Variants in CTNNA2 observed in about 807,000 individuals in gnomAD.
The protein encoded by CTNNA2 is catenin alpha 2.
CTNNA2 carries 42 observed loss-of-function variants against 101.0 expected under a neutral mutation model. That is an observed-to-expected ratio of 0.42 (90% CI 0.32 to 0.54). The LOEUF (loss-of-function observed/expected upper bound fraction) is 0.54, where lower values mean the gene tolerates loss of function less well. Among genes scored for constraint, CTNNA2 ranks in the 20% least tolerant of loss-of-function variants. CTNNA2 has a pLI of 0.14. For synonymous variants in CTNNA2, 450 were observed against 456.4 expected, an observed-to-expected ratio of 0.99 and a Z score of 0.18; for missense variants, 871 against 1,223.1, an observed-to-expected ratio of 0.71 and a Z score of 4.29.
At chr2:79,507,593 C>T (rs1211802060) in intron 5 of CTNNA2, among the ~76,000 whole-genome samples, 2 of 152,062 alleles carry the variant, frequency 1.3e-5, no homozygotes, top group African/African-American at 2.4e-5. Context: ...TTATAAATAA[C>T]CTAGTCTCAG....
chr2:79,202,732 C>CTTTGTTTGTTTGTTTG lies in CTNNA2; in HGVS notation c.-406+4664_-406+4679dup, dbSNP rs34378966. Among the ~76,000 whole-genome samples, 453 of 151,222 alleles carry CTTTGTTTGTTTGTTTG rather than the reference C, an allele frequency of 3.0e-3. 2 individuals carry two copies. The highest frequency in any genetic ancestry group is 8.8e-3 in the East Asian group (45 of 5,094). ...TGGAAGGGCTTATGGTTCTACGTTT[C>CTTTGTTTGTTTGTTTG]TTTGTTTGTTTGTTTGTTTGTTTTG... On this transcript the variant is annotated intron_variant, in intron 2 of 21. Transcript: ENST00000466387.
intron 7 of CTNNA2, among the ~76,000 whole-genome samples, chr2:80,218,461 G>A (rs548691629): frequency 6.6e-6 from 1 of 152,340 alleles, no homozygotes; most frequent in African/African-American, 2.4e-5. Context: ...GCAGACATCC[G>A]ATTATTGACC....
chr2:79,924,664 A>T (rs370722950), intron 7 of CTNNA2, among the ~76,000 whole-genome samples: 1 of 152,106 alleles, frequency 6.6e-6, no homozygotes, highest in East Asian at 1.9e-4. Flanking sequence ...CAAGGGGTTG[A>T]ATCAAGATAA....
chr2:80,050,736 T>C (rs1246304071), intron 7 of CTNNA2, among the ~76,000 whole-genome samples: 2 of 152,172 alleles, frequency 1.3e-5, no homozygotes, highest in African/African-American at 4.8e-5. Flanking sequence ...GGTCTCACCC[T>C]GTCACCCAGG....
chr2:80,300,890 C>T (rs1262832700), intron 7 of CTNNA2, among the ~76,000 whole-genome samples: 1 of 151,284 alleles, frequency 6.6e-6, no homozygotes, highest in Non-Finnish European at 1.5e-5. Context: ...ACTGAAATCT[C>T]AATGATGGAC....
At chr2:79,965,863 G>C (rs1175744797) in intron 7 of CTNNA2, among the ~76,000 whole-genome samples, 2 of 131,352 alleles carry the variant, frequency 1.5e-5, no homozygotes, top group South Asian at 4.8e-4. Flanking sequence ...AGAAAAGAAA[G>C]AAAAGAAAAG....
chr2:79,248,033 G>A (rs1290629707), intron 2 of CTNNA2, among the ~76,000 whole-genome samples: 1 of 152,174 alleles, frequency 6.6e-6, no homozygotes, highest in Admixed American at 6.5e-5. Context: ...GTAATAATTT[G>A]TTACAGCAGC....
intron 7 of CTNNA2, among the ~76,000 whole-genome samples, chr2:80,057,481 C>G (rs1395069791): frequency 6.6e-6 from 1 of 152,170 alleles, no homozygotes; most frequent in East Asian, 1.9e-4. Context: ...GAGCAGGTAT[C>G]TGAGGGTGGT....
At chr2:80,036,010 A>G (rs1379656779) in intron 7 of CTNNA2, among the ~76,000 whole-genome samples, 1 of 152,232 alleles carries the variant, frequency 6.6e-6, no homozygotes, top group Non-Finnish European at 1.5e-5. Flanking sequence ...CTTTTGATTC[A>G]GTCCCACATG....
At chr2:80,493,579 C>T (rs745881487) in intron 9 of CTNNA2, among the ~76,000 whole-genome samples, 1 of 152,122 alleles carries the variant, frequency 6.6e-6, no homozygotes, top group Non-Finnish European at 1.5e-5. Context: ...TTTTTGAGTC[C>T]TTAGTGAATC....
At chr2:80,615,420 G>T (rs1412699444) in intron 17 of CTNNA2, among the ~76,000 whole-genome samples, 1 of 151,490 alleles carries the variant, frequency 6.6e-6, no homozygotes. Flanking sequence ...TAAAAGGCAC[G>T]GTGATATATT....
At chr2:79,290,026 A>G (rs1191521334) in intron 2 of CTNNA2, among the ~76,000 whole-genome samples, 1 of 152,134 alleles carries the variant, frequency 6.6e-6, no homozygotes, top group Non-Finnish European at 1.5e-5. Context: ...GCTATGTGCA[A>G]GTGAGAAACA....
rs1040906065 is a variant in CTNNA2, at chr2:80,208,177, G to T, written c.1057-185034G>T. Among the ~76,000 whole-genome samples, 13 of 152,204 alleles carry T rather than the reference G, an allele frequency of 8.5e-5. 1 individual carries two copies. The highest frequency in any genetic ancestry group is 3.4e-3 in the Middle Eastern group (1 of 294). On this transcript the variant is annotated intron_variant, in intron 7 of 18. Transcript: ENST00000402739. ...GATTACACCTCTACAAATGCACACAGGTCAATCAATCCACTCCATTCTCAG... is the reference window on the plus strand; with the variant it reads ...GATTACACCTCTACAAATGCACACATGTCAATCAATCCACTCCATTCTCAG...
chr2:79,556,565 C>T (rs1674460099), intron 1 of CTNNA2, among the ~76,000 whole-genome samples: 1 of 151,978 alleles, frequency 6.6e-6, no homozygotes, highest in African/African-American at 2.4e-5. Context: ...TTGTTGTGCA[C>T]AAAATATGTG....
chr2:79,720,464 C>A (rs1686408546), intron 2 of CTNNA2, among the ~76,000 whole-genome samples: 2 of 151,888 alleles, frequency 1.3e-5, no homozygotes, highest in Non-Finnish European at 2.9e-5. Flanking sequence ...TATCATTGAA[C>A]CTCTAATTGC....
chr2:79,628,144 ACT>A (rs1427884452), intron 1 of CTNNA2, among the ~76,000 whole-genome samples: 1 of 152,094 alleles, frequency 6.6e-6, no homozygotes, highest in East Asian at 1.9e-4. Flanking sequence ...TTTTTTAAAC[ACT>A]CACATTAAAA....
chr2:80,302,129 T>G lies in CTNNA2; in HGVS notation c.1057-91082T>G. 1 of 1,269,928 alleles carries G rather than the reference T, an allele frequency of 7.9e-7. No homozygotes were observed. Among genetic ancestry groups the G allele is most frequent in the Non-Finnish European group, 1.1e-6 (1 of 939,732 alleles). The allele number at this position is 1,269,928 out of a possible 1,614,324, so 78.7% of individuals were successfully genotyped here. A position where few individuals can be genotyped will look rare whatever the true frequency, so the allele number is the denominator to read the frequency against. ...GTCAAGTCTCTGGGAGAGATCCCCT[T>G]AAAGTTTCAGTCAAGGAGCATATCA... On this transcript the variant is annotated intron_variant, in intron 7 of 18. Coordinates refer to ENST00000402739, the MANE Select transcript of CTNNA2 (RefSeq NM_001282597.3). This position sits in a 1 kb window ranked among gnomAD's most constrained non-coding sequence, Gnocchi z 6.4.
intron 2 of CTNNA2, among the ~76,000 whole-genome samples, chr2:79,281,230 A>G (rs1343105685): frequency 6.6e-6 from 1 of 152,110 alleles, no homozygotes; most frequent in Admixed American, 6.6e-5. Flanking sequence ...CTGCAAAGCA[A>G]AGCATTAATC....
intron 4 of CTNNA2, among the ~76,000 whole-genome samples, chr2:79,463,237 C>T (rs1057240823): frequency 6.6e-6 from 1 of 151,876 alleles, no homozygotes; most frequent in East Asian, 1.9e-4. Flanking sequence ...CATGGTGAAA[C>T]CCTGTCTCTA....
Sources: allele counts gnomAD v4.1 joint callset (sites outside exome capture counted in the v4.1 genomes callset), GRCh38; gene constraint gnomAD v4.1.1; non-coding constraint Gnocchi (gnomAD v3.1); transcripts MANE v1.5; gene names NCBI Gene and HGNC (gene_info 2026-07-23, HGNC 2026-07-21).